ACOT11: variants seen among roughly 807,000 people sequenced by gnomAD.
ACOT11 encodes acyl-coenzyme A thioesterase 11.
A neutral mutation model predicts 77.5 loss-of-function variants in ACOT11; 69 were observed. The ratio of observed to expected loss-of-function variants is 0.89; its 90% CI spans 0.73 to 1.09. The LOEUF (loss-of-function observed/expected upper bound fraction) is 1.09, where lower values mean the gene tolerates loss of function less well. ACOT11 is among the 50% of genes least tolerant of loss of function. The pLI is 0.00. For missense variants in ACOT11, 766 were observed against 813.7 expected, an observed-to-expected ratio of 0.94 and a Z score of 0.71; for synonymous variants, 279 against 313.0, an observed-to-expected ratio of 0.89 and a Z score of 1.15.
At chr1:54,619,893 C>T (rs1315247458) in intron 15 of ACOT11, 1 of 1,614,108 alleles carries the variant, frequency 6.2e-7, no homozygotes, top group East Asian at 2.2e-5. Flanking sequence ...GGCTTTCTTG[C>T]TGTTGGCTGC....
At chr1:54,550,433 A>G (rs1653022262) in intron 1 of ACOT11, among the ~76,000 whole-genome samples, 1 of 152,170 alleles carries the variant, frequency 6.6e-6, no homozygotes, top group African/African-American at 2.4e-5. Context: ...GAATTCCCTT[A>G]GTTCCTCTGG....
chr1:54,616,578 G>A (rs1195638874), intron 15 of ACOT11, among the ~76,000 whole-genome samples: 2 of 151,894 alleles, frequency 1.3e-5, no homozygotes, highest in South Asian at 4.2e-4. Context: ...CACCATATTG[G>A]CCAGGCTGCT....
chr1:54,606,617 C>G (rs139770217), intron 13 of ACOT11, among the ~76,000 whole-genome samples: 1 of 152,312 alleles, frequency 6.6e-6, no homozygotes, highest in African/African-American at 2.4e-5. Context: ...TCTTCCTCAT[C>G]TATGAGATAG....
intron 1 of ACOT11, among the ~76,000 whole-genome samples, chr1:54,576,728 G>A (rs973215042): frequency 2.6e-5 from 4 of 152,114 alleles, no homozygotes; most frequent in Non-Finnish European, 4.4e-5. Flanking sequence ...TAGCAATTTA[G>A]CTTGATTAAT....
rs1644099605 is a variant in ACOT11 at position 54,610,070 on chromosome 1, C to T, written c.*958C>T. 1.4e-6 allele frequency: 2 copies of T among 1,438,786 alleles called. No homozygotes were observed. Among genetic ancestry groups the T allele is most frequent in the East Asian group, 5.0e-5 (2 of 40,208 alleles). 89.1% of individuals were successfully genotyped at this position (1,438,786 alleles called of 1,614,324 possible). On this transcript the variant is annotated 3_prime_UTR_variant, in exon 16 of 16. Coordinates refer to ENST00000343744, the MANE Select transcript of ACOT11 (RefSeq NM_147161.4). ...CCTTGCCTCTCTGGAATCTGTCAACCCAGTTTTGGGCTCCAGGTGGATGGG... is the reference window on the plus strand; with the variant it reads ...CCTTGCCTCTCTGGAATCTGTCAACTCAGTTTTGGGCTCCAGGTGGATGGG...
At chr1:54,555,234 C>T (rs1262718392) in intron 1 of ACOT11, among the ~76,000 whole-genome samples, 1 of 152,228 alleles carries the variant, frequency 6.6e-6, no homozygotes, top group Non-Finnish European at 1.5e-5. Context: ...GCTGGGATTA[C>T]AGGCGTGAGC....
intron 15 of ACOT11, chr1:54,623,406 T>A (rs1307629438): frequency 6.2e-7 from 1 of 1,605,752 alleles, no homozygotes; most frequent in East Asian, 2.2e-5. Context: ...GGCGACGCTC[T>A]CTGGGGAATG....
At chr1:54,561,438 G>C (rs1372217385) in intron 1 of ACOT11, among the ~76,000 whole-genome samples, 1 of 117,124 alleles carries the variant, frequency 8.5e-6, no homozygotes, top group Non-Finnish European at 1.7e-5. Context: ...CAGATCAACA[G>C]GATCCCAAGG....
Position 54,584,623 on chromosome 1 carries a change from T to TCTGTCCCCAC in ACOT11, c.34-17_34-8dup. The TCTGTCCCCAC allele has an allele frequency of 6.2e-7, 1 of 1,602,262 alleles. No individual in the cohort carries two copies. Among genetic ancestry groups the TCTGTCCCCAC allele is most frequent in the South Asian group, 1.1e-5 (1 of 89,908 alleles). On this transcript the variant is annotated intron_variant, in intron 1 of 15. Coordinates refer to ENST00000343744, the MANE Select transcript of ACOT11 (RefSeq NM_147161.4). The surrounding 1 kb of genome is among the most constrained non-coding windows in gnomAD (Gnocchi z 6.3). ...GGAGACCCTGCAGCAAGCAGACCTC[T>TCTGTCCCCAC]CTGTCCCCACCTGTCCCCACCTGTA...
intron 15 of ACOT11, among the ~76,000 whole-genome samples, chr1:54,620,718 AGGAG>A (rs1644221375): frequency 6.6e-6 from 1 of 151,228 alleles, no homozygotes; most frequent in Admixed American, 6.6e-5. Flanking sequence ...ACGTGGTGGC[AGGAG>A]CCTGTAATCC....
intron 1 of ACOT11, among the ~76,000 whole-genome samples, chr1:54,551,643 G>A (rs1053171131): frequency 3.9e-5 from 6 of 152,278 alleles, no homozygotes; most frequent in Non-Finnish European, 8.8e-5. Context: ...GCCTGGCCCA[G>A]GTCAGCTCTC....
In ACOT11 at chr1:54,564,526, A is replaced by C. The variant is rs111247902; in HGVS notation, c.33+16184A>C. ...CTGTGCCAGACGTGGACTCGGTGAG[A>C]GGTCGGAAGGGGAGTGGCCTTGGGA... On this transcript the variant is annotated intron_variant, in intron 1 of 15. Transcript: ENST00000343744. 1.9e-4 allele frequency among the ~76,000 whole-genome samples: 29 copies of C among 152,190 alleles called. 1 individual carries two copies. Among genetic ancestry groups the C allele is most frequent in the Non-Finnish European group, 3.5e-4 (24 of 68,036 alleles).
At position 54,591,447 on chromosome 1, in the gene ACOT11, C is replaced by T. The variant is rs189690283; in HGVS notation, c.312-1099C>T. ...GCCATTCCCACTGTGTTCACGGTGG[C>T]CCCTTGACCAGCAGGCCCCTTGGAA... On this transcript the variant is annotated intron_variant, in intron 3 of 15. Transcript: ENST00000343744. Among the ~76,000 whole-genome samples, 20 of 152,322 alleles carry T rather than the reference C, an allele frequency of 1.3e-4. No homozygotes were observed. The East Asian group carries it at 3.9e-3, about 29-fold the overall frequency.
At chr1:54,631,972 A>G (rs1022657356) in intron 16 of ACOT11, among the ~76,000 whole-genome samples, 2 of 152,192 alleles carry the variant, frequency 1.3e-5, no homozygotes, top group African/African-American at 2.4e-5. Context: ...GGCAATGGCA[A>G]TGGCAGGACT....
chr1:54,615,189 G>A (rs1644159968), downstream of ACOT11, among the ~76,000 whole-genome samples: 1 of 152,152 alleles, frequency 6.6e-6, no homozygotes, highest in African/African-American at 2.4e-5. Flanking sequence ...TCCTGAGCAG[G>A]GCAGACTCAG....
chr1:54,596,332 C>G (rs1188925199), intron 6 of ACOT11, among the ~76,000 whole-genome samples: 1 of 152,064 alleles, frequency 6.6e-6, no homozygotes. Context: ...AATGCCAGCT[C>G]TTTGATGGAC....
At chr1:54,614,624 C>T, downstream of ACOT11, 1 of 1,471,420 alleles carries the variant, frequency 6.8e-7, no homozygotes, top group Admixed American at 2.0e-5. Flanking sequence ...TCAGAGGTCC[C>T]CTAAGATCCC....
At position 54,601,140 on chromosome 1, in the gene ACOT11, CGT is replaced by C. The variant is rs71045198; in HGVS notation, c.885-117_885-116del. On this transcript the variant is annotated intron_variant, in intron 8 of 15. Coordinates refer to ENST00000343744, the MANE Select transcript of ACOT11 (RefSeq NM_147161.4). ...ACATGTGTGTGTATGTGTGTGCATA[CGT>C]GTGTGTGTGTGCATGCATGTGTGTG... 1,349 of 771,878 alleles carry C rather than the reference CGT, an allele frequency of 1.7e-3. 5 individuals carry two copies. Among genetic ancestry groups the C allele is most frequent in the African/African-American group, 0.012 (654 of 54,404 alleles). 47.8% of individuals were successfully genotyped at this position (771,878 alleles called of 1,614,324 possible). A position where few individuals can be genotyped will look rare whatever the true frequency, so the allele number is the denominator to read the frequency against.
exon 17 of ACOT11, chr1:54,634,786 C>A (rs1227146572): frequency 2.9e-6 from 2 of 697,848 alleles, no homozygotes; most frequent in Non-Finnish European, 5.2e-6. Context: ...CAGAGGACCC[C>A]CTGGTTGCAG....
Sources: gnomAD v4.1 joint callset for allele counts (sites outside exome capture counted in the v4.1 genomes callset) on GRCh38, gnomAD v4.1.1 for gene constraint, Gnocchi (gnomAD v3.1) non-coding constraint, MANE v1.5 for transcripts, NCBI Gene and HGNC (gene_info 2026-07-23, HGNC 2026-07-21) for gene names.